FCRLB: variants seen among roughly 807,000 people sequenced by gnomAD.
FCRLB encodes Fc receptor like B.
Under a neutral mutation model 33.6 loss-of-function variants are expected in FCRLB, and 34 were observed. The observed-to-expected ratio is 1.01, with a 90% confidence interval of 0.77 to 1.35. FCRLB has a LOEUF of 1.35. Ranked by LOEUF, FCRLB falls within the 40% of genes most tolerant of loss-of-function variation. FCRLB has a pLI of 0.00. For synonymous variants in FCRLB, 280 were observed against 255.9 expected (o/e 1.09, Z -0.90); for missense variants, 560 against 580.2 (o/e 0.97, Z 0.36).
At chr1:161,725,993 C>T (rs769793566) in exon 6 of FCRLB, 3 of 1,614,202 alleles carry the variant, frequency 1.9e-6, no homozygotes, top group Admixed American at 3.3e-5. Context: ...AGGCGCGTGC[C>T]AGCGACAGCG....
At chr1:161,723,721 A>C (rs1239034750) in intron 5 of FCRLB, 100 bp downstream of exon 5, 2 of 1,515,244 alleles carry the variant, frequency 1.3e-6, no homozygotes, top group Non-Finnish European at 1.8e-6. Context: ...AAGGTGCAGG[A>C]AACAAGGGCC....
chr1:161,727,768 G>A, exon 8 of FCRLB: 1 of 1,405,918 alleles, frequency 7.1e-7, no homozygotes, highest in Non-Finnish European at 9.4e-7. Flanking sequence ...GTGTTTTGCT[G>A]TGGTTTTTAA....
At position 161,725,897 on chromosome 1, in the gene FCRLB, C is replaced by G; in HGVS notation, c.384C>G (p.Tyr128Ter). 5 of 1,614,106 alleles carry G rather than the reference C, an allele frequency of 3.1e-6. No individual in the cohort carries two copies. Among genetic ancestry groups the G allele is most frequent in the Non-Finnish European group, 4.2e-6 (5 of 1,180,016 alleles). ...TAGTCCTGCGCTGCCGCGGCTGGTA[C>G]GACAAGGTGGTCTACAAGCTTCACT... is the stretch of plus-strand genomic sequence containing the variant. Residue 128 changes from tyrosine to a stop codon, truncating the protein, a stop_gained, in exon 6 of 8, where the codon TAC (tyrosine) becomes TAG (stop). Coordinates refer to ENST00000367948, the Ensembl canonical transcript of FCRLB. LOFTEE classifies it high-confidence loss of function.
rs1263475712 is a variant in FCRLB, at chr1:161,724,520, C to T, written c.307+899C>T. Among the ~76,000 whole-genome samples the T allele has an allele frequency of 2.0e-5, 3 of 151,884 alleles. No individual in the cohort carries two copies. The East Asian group carries it at 5.8e-4, about 29-fold the overall frequency. ...GCTGAGGCATGAGAATTGTTTGAAC[C>T]TGGGAGGCGGAAGTTGCAGTGAGCT... On this transcript the variant is annotated intron_variant, in intron 5 of 7. Coordinates refer to ENST00000367948, the Ensembl canonical transcript of FCRLB.
intron 3 of FCRLB, 48 bp from the exon 4 acceptor site, chr1:161,722,941 C>G (rs774956728): frequency 1.2e-6 from 2 of 1,611,442 alleles, no homozygotes; most frequent in Non-Finnish European, 8.5e-7. Context: ...CTCCTCTCAT[C>G]GCCAATATTC....
Position 161,726,691 on chromosome 1 carries a change from C to A in FCRLB, c.575-12C>A, listed in dbSNP as rs961293492. On this transcript the variant is annotated splice_polypyrimidine_tract_variant and intron_variant, in intron 6 of 7. Transcript: ENST00000367948. This position sits in a 1 kb window ranked among gnomAD's most constrained non-coding sequence, Gnocchi z 5.2. ...GACAAGCCGGCGCCGTTGCTCCCCG[C>A]CCTCTCCGTAGAGCTGTTCCGGGCG... 2.5e-6 allele frequency: 4 copies of A among 1,584,514 alleles called. No homozygotes were observed. The highest frequency in any genetic ancestry group is 3.3e-4 in the Middle Eastern group (2 of 5,974).
In FCRLB at chr1:161,727,207, C is replaced by T. The variant is rs746731886; in HGVS notation, c.866-40C>T. On this transcript the variant is annotated intron_variant, in intron 7 of 7. Transcript: ENST00000367948. The stretch of plus-strand genomic sequence containing the variant: ...TCCCCCAGCCCAGCGCCGAGAAGAA[C>T]CATGCAAGCCGCGCGTGACTGGGCG... The T allele has an allele frequency of 7.5e-6, 11 of 1,462,850 alleles. No homozygotes were observed. In the East Asian group the frequency reaches 2.8e-4, roughly 37 times the overall value. 90.6% of individuals were successfully genotyped at this position (1,462,850 alleles called of 1,614,324 possible). A position where few individuals can be genotyped will look rare whatever the true frequency, so the allele number is the denominator to read the frequency against.
At chr1:161,727,407 G>C in exon 8 of FCRLB, 1 of 1,613,152 alleles carries the variant, frequency 6.2e-7, no homozygotes, top group Non-Finnish European at 8.5e-7. Flanking sequence ...TGCAGTTCCC[G>C]GCGAGCGGCG....
At chr1:161,723,731 C>T in intron 5 of FCRLB, 110 bp downstream of exon 5, 4 of 1,464,548 alleles carry the variant, frequency 2.7e-6, no homozygotes, top group South Asian at 2.7e-5. Flanking sequence ...AAACAAGGGC[C>T]ACACTGGGGC....
chr1:161,725,855 G>A (rs1424095614), exon 6 of FCRLB: 2 of 1,613,690 alleles, frequency 1.2e-6, no homozygotes, highest in Non-Finnish European at 1.7e-6. Context: ...ATGCGCCAGT[G>A]TTCGAGGGTG....
chr1:161,722,823 T>G (rs910346110), intron 3 of FCRLB, 120 bp downstream of exon 3: 2 of 1,504,508 alleles, frequency 1.3e-6, no homozygotes, highest in Non-Finnish European at 1.8e-6. Context: ...TTATCTTTTT[T>G]TGGAGGGGTG....
In FCRLB at chr1:161,725,865, G is replaced by A. The variant is rs1469454348; in HGVS notation, c.352G>A (p.Glu118Lys). Residue 118 changes from glutamate to lysine, a missense_variant, in exon 6 of 8, where the codon GAG becomes AAG. Physicochemically the swap from Glu to Lys is moderately conservative, Grantham distance 56 (BLOSUM62 1). Coordinates refer to ENST00000367948, the Ensembl canonical transcript of FCRLB. ...GCCCTATGCGCCAGTGTTCGAGGGT[G>A]AGCCGCTAGTCCTGCGCTGCCGCGG... 32 of 1,613,916 alleles carry A rather than the reference G, an allele frequency of 2.0e-5. No individual in the cohort carries two copies. The East Asian group carries it at 7.1e-4, about 36-fold the overall frequency.
chr1:161,722,759 C>A (rs1207005664), intron 3 of FCRLB, 56 bp downstream of exon 3: 3 of 1,603,618 alleles, frequency 1.9e-6, no homozygotes, highest in Non-Finnish European at 2.6e-6. Flanking sequence ...TAGGGTGGAC[C>A]AAGGTATGGG....
rs571029267 is a variant in FCRLB, at chr1:161,723,444, T to A, written c.130T>A (p.Cys44Ser). 74 of 1,614,126 alleles carry A rather than the reference T, an allele frequency of 4.6e-5. No homozygotes were observed. In the Middle Eastern group the frequency reaches 1.2e-3, roughly 25 times the overall value. Residue 44 changes from cysteine to serine, a missense_variant, in exon 5 of 8, where the codon TGT becomes AGT. Physicochemically the swap from Cys to Ser is moderately radical, Grantham distance 112 (BLOSUM62 -1). Coordinates refer to ENST00000367948, the Ensembl canonical transcript of FCRLB. ...CAAAGGGGAGCGGGTAACTTTGAAG[T>A]GTGATGGATACCACCCACTGCTCCT...
chr1:161,727,260 C>T (rs907148934), exon 8 of FCRLB: 2 of 1,606,726 alleles, frequency 1.2e-6, no homozygotes, highest in Non-Finnish European at 1.7e-6. Context: ...CTCCCCTGGA[C>T]CCGGCCTCCA....
At position 161,721,985 on chromosome 1, in the gene FCRLB, A is replaced by T. The variant is rs372537163; in HGVS notation, c.-21+135A>T. ...ATGGGTAGGAAAGAAGAGTTTTCTAACTTCTTAAGAATTTAAGAATTTATG... is the reference window on the plus strand; with the variant it reads ...ATGGGTAGGAAAGAAGAGTTTTCTATCTTCTTAAGAATTTAAGAATTTATG... On this transcript the variant is annotated intron_variant, in intron 2 of 7. Transcript: ENST00000367948. 5.3e-5 allele frequency: 8 copies of T among 152,334 alleles called. No individual in the cohort carries two copies. In the East Asian group the frequency reaches 5.8e-4, roughly 11 times the overall value. The allele number at this position is 152,334 out of a possible 1,614,324, so 9.4% of individuals were successfully genotyped here. A position where few individuals can be genotyped will look rare whatever the true frequency, so the allele number is the denominator to read the frequency against.
intron 5 of FCRLB, 142 bp from the exon 6 acceptor site, chr1:161,725,679 A>T (rs879853762): frequency 1.9e-4 from 198 of 1,062,250 alleles, no homozygotes; most frequent in Non-Finnish European, 2.6e-4. Flanking sequence ...AGAAAGAAAA[A>T]GAAAAGAAAA....
intron 7 of FCRLB, 40 bp from the exon 8 acceptor site, chr1:161,727,207 C>G (rs746731886): frequency 6.8e-7 from 1 of 1,462,736 alleles, no homozygotes; most frequent in African/African-American, 1.5e-5. Flanking sequence ...CCGAGAAGAA[C>G]CATGCAAGCC....
At chr1:161,723,770 A>T in intron 5 of FCRLB, 149 bp downstream of exon 5, 1 of 1,222,190 alleles carries the variant, frequency 8.2e-7, no homozygotes, top group Non-Finnish European at 1.1e-6. Context: ...GCAGGTAGGG[A>T]CCTGCACGGC....
Sources: gnomAD v4.1 joint callset for allele counts (sites outside exome capture counted in the v4.1 genomes callset) on GRCh38, gnomAD v4.1.1 for gene constraint, Gnocchi (gnomAD v3.1) non-coding constraint, MANE v1.5 for transcripts, NCBI Gene and HGNC (gene_info 2026-07-23, HGNC 2026-07-21) for gene names.